Variants in GABRA2 observed in about 807,000 individuals in gnomAD.
GABRA2 encodes gamma-aminobutyric acid type A receptor subunit alpha2, also known as gamma-aminobutyric acid receptor subunit alpha-2.
In GABRA2, 16 loss-of-function variants were observed where a neutral mutation model predicts 48.7. The observed-to-expected ratio is 0.33, with a 90% CI of 0.22 to 0.50. The LOEUF is 0.50. GABRA2 is among the 20% of genes least tolerant of loss of function. GABRA2 has a pLI of 0.98. For synonymous variants in GABRA2, 185 were observed against 184.5 expected (o/e 1.00, Z -0.02); for missense variants, 275 against 535.6 (o/e 0.51, Z 4.80).
At chr4:46,344,034 G>A (rs894639767) in intron 3 of GABRA2, among the ~76,000 whole-genome samples, 7 of 151,956 alleles carry the variant, frequency 4.6e-5, no homozygotes, top group African/African-American at 1.7e-4. Flanking sequence ...AATGTTCCAT[G>A]ATGCTAGCTA....
At chr4:46,279,099 C>A (rs1010421454) in intron 8 of GABRA2, among the ~76,000 whole-genome samples, 4 of 151,934 alleles carry the variant, frequency 2.6e-5, no homozygotes, top group African/African-American at 9.7e-5. Context: ...CAGCTTTGTG[C>A]GCCGTGTTTC....
At chr4:46,320,239 C>T (rs746834113) in intron 4 of GABRA2, among the ~76,000 whole-genome samples, 1 of 151,760 alleles carries the variant, frequency 6.6e-6, no homozygotes, top group African/African-American at 2.4e-5. Flanking sequence ...TAGCCATATG[C>T]ACTAGAATTA....
At chr4:46,347,727 CA>C (rs1184761819) in intron 3 of GABRA2, among the ~76,000 whole-genome samples, 3 of 151,318 alleles carry the variant, frequency 2.0e-5, no homozygotes. Flanking sequence ...TCAACAAAAG[CA>C]AAAAATAAAC....
At chr4:46,283,852 T>C (rs954870770) in intron 8 of GABRA2, among the ~76,000 whole-genome samples, 17 of 152,170 alleles carry the variant, frequency 1.1e-4, no homozygotes, top group East Asian at 9.7e-4. Flanking sequence ...CTCCGCCTCC[T>C]GGGTTCATGC....
intron 3 of GABRA2, among the ~76,000 whole-genome samples, chr4:46,344,896 T>A (rs2109872128): frequency 6.6e-6 from 1 of 152,060 alleles, no homozygotes; most frequent in South Asian, 2.1e-4. Context: ...AGGTCAAAAG[T>A]TTTATAGTTT....
At position 46,311,606 on chromosome 4, in the gene GABRA2, GAA is replaced by G. The variant is rs199669020; in HGVS notation, c.476+888_476+889del. On this transcript the variant is annotated intron_variant, in intron 5 of 9. Transcript: ENST00000381620. Reference sequence around the variant, plus strand: ...GGATCAACAACTATTTATTCTGCAAGAAAATTTTATTACAGTTTAAATCATAT... The same window carrying G: ...GGATCAACAACTATTTATTCTGCAAGAATTTTATTACAGTTTAAATCATAT... Among the ~76,000 whole-genome samples the G allele has an allele frequency of 5.8e-3, 888 of 152,176 alleles. 9 individuals are homozygous for G. The highest frequency in any genetic ancestry group is 0.02 in the African/African-American group (839 of 41,520).
At chr4:46,253,630 T>G (rs1715240762) in intron 9 of GABRA2, among the ~76,000 whole-genome samples, 2 of 151,532 alleles carry the variant, frequency 1.3e-5, no homozygotes, top group Admixed American at 6.6e-5. Context: ...GTAATGGTTT[T>G]GGCTTCAAAG....
intron 8 of GABRA2, among the ~76,000 whole-genome samples, chr4:46,295,324 T>A (rs1211570715): frequency 6.6e-6 from 1 of 152,208 alleles, no homozygotes; most frequent in Non-Finnish European, 1.5e-5. Context: ...GGCTGGATGG[T>A]CAAGGACTTG....
chr4:46,337,666 A>AAG (rs1553917703), intron 3 of GABRA2, among the ~76,000 whole-genome samples: 3 of 151,438 alleles, frequency 2.0e-5, no homozygotes, highest in South Asian at 2.1e-4. Flanking sequence ...AAAAAAAAAA[A>AAG]AGAGACTGAG....
chr4:46,275,425 T>G (rs1196961530), intron 8 of GABRA2, among the ~76,000 whole-genome samples: 1 of 152,118 alleles, frequency 6.6e-6, no homozygotes, highest in Non-Finnish European at 1.5e-5. Context: ...CTAGAGGTTC[T>G]GCATTAAGGT....
At chr4:46,386,697 T>C (rs1717508878) in intron 2 of GABRA2, 1 of 154,868 alleles carries the variant, frequency 6.5e-6, no homozygotes, top group Non-Finnish European at 1.4e-5. Context: ...AATCAGGATT[T>C]TTTCCTTACT....
At chr4:46,316,987 T>C (rs1728659766) in intron 4 of GABRA2, among the ~76,000 whole-genome samples, 1 of 151,992 alleles carries the variant, frequency 6.6e-6, no homozygotes, top group African/African-American at 2.4e-5. Context: ...AATTGATGGA[T>C]ACTTGGTGTA....
intron 8 of GABRA2, among the ~76,000 whole-genome samples, chr4:46,293,394 T>C (rs892423762): frequency 6.6e-6 from 1 of 152,160 alleles, no homozygotes; most frequent in African/African-American, 2.4e-5. Context: ...AGCTGTGCAC[T>C]GGAGAAAGGC....
At chr4:46,281,212 G>A (rs1228970320) in intron 8 of GABRA2, among the ~76,000 whole-genome samples, 1 of 152,104 alleles carries the variant, frequency 6.6e-6, no homozygotes, top group African/African-American at 2.4e-5. Context: ...TTTGTCTATT[G>A]GACATACAAA....
At chr4:46,312,370 TGGTACTTCAATAA>T in intron 5 of GABRA2, 113 bp downstream of exon 5, 1 of 598,608 alleles carries the variant, frequency 1.7e-6, no homozygotes. Context: ...AGCATATTAT[TGGTACTTCAATAA>T]TCTGTTAGAA....
At chr4:46,370,766 G>A (rs556424521) in intron 3 of GABRA2, among the ~76,000 whole-genome samples, 7 of 152,100 alleles carry the variant, frequency 4.6e-5, no homozygotes, top group African/African-American at 1.4e-4. Flanking sequence ...GACCTTAGAG[G>A]TTTGCAGCCT....
chr4:46,348,899 C>T (rs987026339), intron 3 of GABRA2, among the ~76,000 whole-genome samples: 1 of 150,374 alleles, frequency 6.7e-6, no homozygotes, highest in African/African-American at 2.5e-5. Flanking sequence ...ACATTGTGCA[C>T]ATGTACCCTA....
intron 9 of GABRA2, among the ~76,000 whole-genome samples, chr4:46,257,389 A>C (rs902139515): frequency 6.6e-6 from 1 of 151,564 alleles, no homozygotes; most frequent in African/African-American, 2.4e-5. Flanking sequence ...TGTTTGGGAA[A>C]ATGATTGTGG....
At chr4:46,315,940 T>TACACAC (rs146274569) in intron 4 of GABRA2, among the ~76,000 whole-genome samples, 48,162 of 149,004 alleles carry the variant, frequency 0.32, 8,039 homozygotes, top group East Asian at 0.46. Context: ...TTAGTACATA[T>TACACAC]ATACACACAC....
Sources: gnomAD v4.1 joint callset for allele counts (sites outside exome capture counted in the v4.1 genomes callset) on GRCh38, gnomAD v4.1.1 for gene constraint, MANE v1.5 for transcripts, NCBI Gene and HGNC (gene_info 2026-07-23, HGNC 2026-07-21) for gene names.